AIM2: variants seen among roughly 807,000 people sequenced by gnomAD.
The protein encoded by AIM2 is absent in melanoma 2, also known as interferon-inducible protein AIM2.
In AIM2, 30 loss-of-function variants were observed where a neutral mutation model predicts 27.7. That is an observed-to-expected ratio of 1.08 (90% CI 0.81 to 1.47). AIM2 has a LOEUF of 1.47. Among genes scored for constraint, AIM2 ranks in the 40% most tolerant of loss-of-function variants. The probability of loss-of-function intolerance (pLI) is 0.00; values close to 1 mark genes in which losing one functional copy is unlikely to be tolerated. For missense variants in AIM2, 358 were observed against 411.3 expected, an observed-to-expected ratio of 0.87 and a Z score of 1.12; for synonymous variants, 141 against 145.3, an observed-to-expected ratio of 0.97 and a Z score of 0.21.
chr1:159,081,198 C>A, upstream of AIM2: 2 of 231,794 alleles, frequency 8.6e-6, no homozygotes, highest in East Asian at 1.1e-4. Flanking sequence ...ATATTTGCCC[C>A]CCTTCATTCT....
intron 1 of AIM2, among the ~76,000 whole-genome samples, chr1:159,113,945 G>A (rs1647257876): frequency 6.6e-6 from 1 of 152,182 alleles, no homozygotes; most frequent in Admixed American, 6.5e-5. Context: ...GGAAAGAGAA[G>A]GCACAAGTGT....
chr1:159,098,254 T>C (rs1183020044), intron 1 of AIM2, among the ~76,000 whole-genome samples: 1 of 152,098 alleles, frequency 6.6e-6, no homozygotes, highest in Non-Finnish European at 1.5e-5. Context: ...TTCTTCATAT[T>C]GTCGGCACAA....
chr1:159,056,713 C>T, the AIM2 span, among the ~76,000 whole-genome samples: 1 of 81,368 alleles, frequency 1.2e-5, no homozygotes, highest in Non-Finnish European at 2.3e-5. Context: ...AAAAGCCCAA[C>T]CGGCAAAAAA....
At chr1:159,096,317 T>C (rs375428803) in intron 1 of AIM2, among the ~76,000 whole-genome samples, 158 of 151,882 alleles carry the variant, frequency 1.0e-3, no homozygotes, top group African/African-American at 3.6e-3. Flanking sequence ...TCTCTCTGAT[T>C]CTTGTCTGTA....
intron 1 of AIM2, among the ~76,000 whole-genome samples, chr1:159,094,566 C>G (rs867819610): frequency 6.6e-6 from 1 of 152,070 alleles, no homozygotes; most frequent in Non-Finnish European, 1.5e-5. Flanking sequence ...AGCTTGGTGG[C>G]GTGCACCAGT....
chr1:159,089,381 A>C (rs181532756), intron 1 of AIM2, among the ~76,000 whole-genome samples: 1 of 152,338 alleles, frequency 6.6e-6, no homozygotes, highest in East Asian at 1.9e-4. Flanking sequence ...GCACTAAAAA[A>C]CACTGCCTCC....
chr1:159,105,459 C>T (rs1408709916), intron 1 of AIM2, among the ~76,000 whole-genome samples: 1 of 152,182 alleles, frequency 6.6e-6, no homozygotes, highest in African/African-American at 2.4e-5. Context: ...TTCAGTCTCA[C>T]CATTCAGCGG....
At chr1:159,106,514 A>C (rs751524028) in intron 1 of AIM2, among the ~76,000 whole-genome samples, 5 of 152,180 alleles carry the variant, frequency 3.3e-5, no homozygotes, top group Non-Finnish European at 7.3e-5. Context: ...AGAAAGAAAA[A>C]ATTTTTCTCT....
upstream of AIM2, among the ~76,000 whole-genome samples, chr1:159,142,352 AGT>A (rs1648128840): frequency 6.6e-6 from 1 of 152,156 alleles, no homozygotes; most frequent in East Asian, 1.9e-4. Context: ...AAGAAAAAAC[AGT>A]GTTCAGTGTG....
At chr1:159,095,660 G>A (rs1030919720) in intron 1 of AIM2, among the ~76,000 whole-genome samples, 3 of 151,984 alleles carry the variant, frequency 2.0e-5, no homozygotes, top group Non-Finnish European at 2.9e-5. Context: ...AAGGTACCAC[G>A]TTTGTCTTGA....
chr1:159,108,318 G>A (rs920760736), intron 1 of AIM2, among the ~76,000 whole-genome samples: 5 of 152,152 alleles, frequency 3.3e-5, no homozygotes, highest in African/African-American at 9.7e-5. Context: ...AATAGATGCC[G>A]AAAAAGCATT....
intron 1 of AIM2, among the ~76,000 whole-genome samples, chr1:159,111,831 CATCTATCTATCT>C (rs55915998): frequency 0.043 from 5,866 of 137,562 alleles, 162 homozygotes; most frequent in Middle Eastern, 0.072. Context: ...ATCTATCTAT[CATCTATCTATCT>C]ATCTATCTAT....
chr1:159,068,786 T>A, intron 2 of AIM2, 85 bp from the exon 3 acceptor site: 1 of 1,328,996 alleles, frequency 7.5e-7, no homozygotes, highest in Non-Finnish European at 1.0e-6. Context: ...GAATAAATAC[T>A]AAAACCATAT....
At chr1:159,055,806 G>A in the AIM2 span, among the ~76,000 whole-genome samples, 20 of 152,304 alleles carry the variant, frequency 1.3e-4, no homozygotes, top group African/African-American at 4.8e-4. Context: ...CAATTATTTT[G>A]TGACACTTAA....
intron 1 of AIM2, among the ~76,000 whole-genome samples, chr1:159,104,117 T>C (rs1310485518): frequency 6.6e-6 from 1 of 152,104 alleles, no homozygotes; most frequent in East Asian, 1.9e-4. Flanking sequence ...ATACTAATGC[T>C]GAATATGAGG....
intron 1 of AIM2, among the ~76,000 whole-genome samples, chr1:159,084,547 G>T (rs974590310): frequency 1.3e-5 from 2 of 152,088 alleles, no homozygotes; most frequent in African/African-American, 4.8e-5. Context: ...CAAGGCGGGG[G>T]AATCGCTTGA....
chr1:159,063,016 T>C (rs186366052), intron 5 of AIM2, among the ~76,000 whole-genome samples: 161 of 152,144 alleles, frequency 1.1e-3, no homozygotes, highest in Non-Finnish European at 1.6e-3. Context: ...GAGCACCAAG[T>C]AGTGGCAGGA....
chr1:159,076,983 C>T (rs545679027), upstream of AIM2: 1 of 152,172 alleles, frequency 6.6e-6, no homozygotes, highest in Non-Finnish European at 1.5e-5. Flanking sequence ...AAAAAATGAC[C>T]GCAGATGACT....
At chr1:159,140,770 A>C (rs1434565514), upstream of AIM2, among the ~76,000 whole-genome samples, 1 of 152,208 alleles carries the variant, frequency 6.6e-6, no homozygotes, top group Non-Finnish European at 1.5e-5. Flanking sequence ...GTGGCCCATT[A>C]GACAAGACAA....
Sources: gnomAD v4.1 joint callset for allele counts (sites outside exome capture counted in the v4.1 genomes callset) on GRCh38, gnomAD v4.1.1 for gene constraint, MANE v1.5 for transcripts, NCBI Gene and HGNC (gene_info 2026-07-23, HGNC 2026-07-21) for gene names.